CSMD1: variants seen among roughly 807,000 people sequenced by gnomAD.
CSMD1 encodes the protein CUB and sushi domain-containing protein 1.
Under a neutral mutation model 417.5 loss-of-function variants are expected in CSMD1, and 213 were observed. The observed-to-expected ratio is 0.51, with a 90% CI of 0.46 to 0.57. The LOEUF (loss-of-function observed/expected upper bound fraction) is 0.57, where lower values mean the gene tolerates loss of function less well. Among genes scored for constraint, CSMD1 ranks in the 20% least tolerant of loss-of-function variants. The pLI is 0.00. For missense variants in CSMD1, 6,923 were observed against 4,529.7 expected (o/e 1.53, Z -15.17); for synonymous variants, 2,862 against 1,736.8 (o/e 1.65, Z -16.11).
At chr8:4,239,693 A>T (rs901939305) in intron 3 of CSMD1, among the ~76,000 whole-genome samples, 5 of 152,288 alleles carry the variant, frequency 3.3e-5, no homozygotes, top group African/African-American at 1.2e-4. Context: ...AGAACATCGC[A>T]TTATGTTGTT....
At chr8:3,146,759 G>C (rs955810209) in intron 40 of CSMD1, among the ~76,000 whole-genome samples, 6 of 152,318 alleles carry the variant, frequency 3.9e-5, no homozygotes, top group African/African-American at 1.4e-4. Context: ...GGAAAGCCAG[G>C]TAAGATGATT....
chr8:4,696,380 G>C (rs1016657403), intron 1 of CSMD1, among the ~76,000 whole-genome samples: 1 of 152,128 alleles, frequency 6.6e-6, no homozygotes, highest in Admixed American at 6.5e-5. Context: ...TACCTCTATA[G>C]TATGAAGAAT....
chr8:3,220,783 A>T (rs1798162886), intron 28 of CSMD1, among the ~76,000 whole-genome samples: 1 of 152,186 alleles, frequency 6.6e-6, no homozygotes. Flanking sequence ...GTGAGTCAAG[A>T]TCACGCCACT....
chr8:4,925,390 T>C (rs1806789005), intron 1 of CSMD1, among the ~76,000 whole-genome samples: 1 of 151,906 alleles, frequency 6.6e-6, no homozygotes, highest in Admixed American at 6.6e-5. Context: ...GTTAAATACA[T>C]GGCATTTTGT....
chr8:4,206,804 T>C lies in CSMD1; in HGVS notation c.416-174705A>G, dbSNP rs562603083. ...TGGTAGTTGATTATATAAAGATTGTTCTAATATTTATGACTTTTGAGTGAT... is the reference window on the plus strand; with the variant it reads ...TGGTAGTTGATTATATAAAGATTGTCCTAATATTTATGACTTTTGAGTGAT... On this transcript the variant is annotated intron_variant, in intron 3 of 69. Transcript: ENST00000635120. Among the ~76,000 whole-genome samples the C allele has an allele frequency of 3.4e-3, 517 of 152,338 alleles. 1 individual carries two copies. Among genetic ancestry groups the C allele is most frequent in the African/African-American group, 0.012 (501 of 41,574 alleles).
rs569690525 is a variant in CSMD1 at position 3,326,647 on chromosome 8, C to T, written c.3631+16647G>A. On this transcript the variant is annotated intron_variant, in intron 23 of 69. Transcript: ENST00000635120. ...GCATTCCCAGAGATGGGGATGTCTT[C>T]CCTCCTTGTAAAATGCCCACCTTGT... 3.3e-5 allele frequency among the ~76,000 whole-genome samples: 5 copies of T among 152,300 alleles called. No homozygotes were observed. In the East Asian group the frequency reaches 7.7e-4, roughly 24 times the overall value.
chr8:3,708,075 T>C (rs548805681), intron 7 of CSMD1, among the ~76,000 whole-genome samples: 9 of 152,184 alleles, frequency 5.9e-5, no homozygotes, highest in Non-Finnish European at 8.8e-5. Context: ...GAGATCAGTC[T>C]GGTCTGGTGT....
intron 12 of CSMD1, among the ~76,000 whole-genome samples, chr8:3,445,104 G>T (rs1287445374): frequency 6.6e-6 from 1 of 152,152 alleles, no homozygotes; most frequent in East Asian, 1.9e-4. Context: ...AAGAAAAACA[G>T]AAAATAGGAG....
rs1474553566 is a variant in CSMD1 at position 4,420,122 on chromosome 8, G to C, written c.303-57C>G. 67 of 1,141,758 alleles carry C rather than the reference G, an allele frequency of 5.9e-5. 2 individuals carry two copies. The South Asian group carries it at 8.0e-4, about 14-fold the overall frequency. 70.7% of individuals were successfully genotyped at this position (1,141,758 alleles called of 1,614,324 possible). On this transcript the variant is annotated intron_variant, in intron 2 of 69. Coordinates refer to ENST00000635120, the MANE Select transcript of CSMD1 (RefSeq NM_033225.6). ...TAAAAGCATGAATTTGTCAAAAAAA[G>C]CTTATTTGATGAAGTCACTGAATAA...
At chr8:3,202,268 T>C (rs1797030779) in intron 31 of CSMD1, among the ~76,000 whole-genome samples, 1 of 152,238 alleles carries the variant, frequency 6.6e-6, no homozygotes, top group Admixed American at 6.5e-5. Context: ...CCCATGATGA[T>C]TTGATGAGGA....
chr8:3,617,060 C>T (rs1304305159), intron 7 of CSMD1, among the ~76,000 whole-genome samples: 1 of 152,028 alleles, frequency 6.6e-6, no homozygotes, highest in Non-Finnish European at 1.5e-5. Context: ...AATAAAAAAT[C>T]TCATTTGGTC....
chr8:3,922,427 G>C (rs1461192545), intron 5 of CSMD1, among the ~76,000 whole-genome samples: 1 of 151,658 alleles, frequency 6.6e-6, no homozygotes, highest in African/African-American at 2.4e-5. Context: ...TAAACTTCTT[G>C]GACTGTTTCA....
chr8:2,954,742 A>G (rs371434774), intron 64 of CSMD1, among the ~76,000 whole-genome samples: 4 of 152,252 alleles, frequency 2.6e-5, no homozygotes, highest in African/African-American at 9.6e-5. Context: ...CTATCAAGTT[A>G]GATTTACGTC....
chr8:4,781,085 G>C (rs1797128869), intron 1 of CSMD1, among the ~76,000 whole-genome samples: 1 of 152,122 alleles, frequency 6.6e-6, no homozygotes, highest in East Asian at 1.9e-4. Flanking sequence ...GTCTTGTTAA[G>C]ATACACTCTC....
intron 12 of CSMD1, among the ~76,000 whole-genome samples, chr8:3,421,396 G>T (rs77930922): frequency 0.017 from 2,542 of 152,288 alleles, 75 homozygotes; most frequent in African/African-American, 0.058. Flanking sequence ...AAATGCAAAT[G>T]AGAGTTACTA....
chr8:3,833,275 C>A (rs927196378), intron 5 of CSMD1, among the ~76,000 whole-genome samples: 2 of 152,060 alleles, frequency 1.3e-5, no homozygotes, highest in African/African-American at 2.4e-5. Flanking sequence ...TTTGTCATTA[C>A]AACACTGATA....
At chr8:4,156,583 G>C (rs756447218) in intron 3 of CSMD1, among the ~76,000 whole-genome samples, 2 of 151,958 alleles carry the variant, frequency 1.3e-5, no homozygotes, top group Non-Finnish European at 1.5e-5. Flanking sequence ...ATACCCAAAA[G>C]CATTCAGTTA....
chr8:3,515,339 C>T (rs80076122), intron 10 of CSMD1: 1 of 152,158 alleles, frequency 6.6e-6, no homozygotes, highest in South Asian at 2.1e-4. Context: ...TGCACTCACA[C>T]AGCTACAGAT....
At position 3,541,424 on chromosome 8, in the gene CSMD1, G is replaced by C. The variant is rs566140064; in HGVS notation, c.1344+33521C>G. Among the ~76,000 whole-genome samples, 4 of 152,078 alleles carry C rather than the reference G, an allele frequency of 2.6e-5. No homozygotes were observed. The South Asian group carries it at 8.3e-4, about 32-fold the overall frequency. On this transcript the variant is annotated intron_variant, in intron 10 of 69. Coordinates refer to ENST00000635120, the MANE Select transcript of CSMD1 (RefSeq NM_033225.6). ...TCAGGATGAATAGCTAATACGTGTG[G>C]GGCTTAATACCTAGGTGATGGGTTG...
Sources: gnomAD v4.1 joint callset for allele counts (sites outside exome capture counted in the v4.1 genomes callset) on GRCh38, gnomAD v4.1.1 for gene constraint, MANE v1.5 for transcripts, NCBI Gene and HGNC (gene_info 2026-07-23, HGNC 2026-07-21) for gene names.